ATG2B: variants seen among roughly 807,000 people sequenced by gnomAD.
ATG2B encodes the protein autophagy-related protein 2 homolog B.
A neutral mutation model predicts 241.3 loss-of-function variants in ATG2B; 121 were observed. That is an observed-to-expected ratio of 0.50 (90% CI 0.43 to 0.58). The LOEUF (loss-of-function observed/expected upper bound fraction) is 0.58. Ranked by LOEUF, ATG2B falls within the 20% of genes least tolerant of loss-of-function variation. The pLI is 0.00. For synonymous variants in ATG2B, 858 were observed against 876.6 expected (o/e 0.98, Z 0.37); for missense variants, 2,306 against 2,491.6 (o/e 0.93, Z 1.59).
rs755951377 is a variant in ATG2B, at chr14:96,333,770, C to T, written c.1125G>A (p.Leu375=). 2.3e-5 allele frequency: 37 copies of T among 1,613,796 alleles called. No homozygotes were observed. In the East Asian group the frequency reaches 7.8e-4, roughly 34 times the overall value. The change falls in exon 8 of 42, where the codon TTG becomes TTA. Residue 375 remains leucine, a synonymous_variant. Coordinates refer to ENST00000359933, the MANE Select transcript of ATG2B (RefSeq NM_018036.7). ...CACCCACAGAGAGGGAATCTTTTCT[C>T]AAATAATACCGGTTTAATTCCATCT... ...RIQMELNRYY[L]RKDSLSVGVS...
chr14:96,321,086 C>T (rs967871293), intron 18 of ATG2B, among the ~76,000 whole-genome samples: 1 of 152,060 alleles, frequency 6.6e-6, no homozygotes, highest in African/African-American at 2.4e-5. Context: ...ATCTCATTTT[C>T]AAGACCACTG....
At chr14:96,322,019 T>G in intron 18 of ATG2B, 93 bp downstream of exon 18, 1 of 914,832 alleles carries the variant, frequency 1.1e-6, no homozygotes, top group East Asian at 2.8e-5. Flanking sequence ...GCATATAATA[T>G]TCAGGCAAGG....
intron 21 of ATG2B, among the ~76,000 whole-genome samples, chr14:96,315,819 G>C (rs1595307493): frequency 6.6e-6 from 1 of 152,244 alleles, no homozygotes; most frequent in Middle Eastern, 3.4e-3. Flanking sequence ...AAATTAAATA[G>C]AAAACTATCA....
intron 18 of ATG2B, 100 bp downstream of exon 18, chr14:96,322,012 T>G (rs1349497643): frequency 1.2e-6 from 1 of 836,210 alleles, no homozygotes; most frequent in Non-Finnish European, 1.8e-6. Context: ...AGAGATGGCA[T>G]ATAATATTCA....
chr14:96,353,581 G>A (rs1261600313), intron 1 of ATG2B, among the ~76,000 whole-genome samples: 3 of 151,944 alleles, frequency 2.0e-5, no homozygotes, highest in East Asian at 1.9e-4. Context: ...AGCCGAGATT[G>A]TGCCACTGCA....
intron 25 of ATG2B, 64 bp from the exon 26 acceptor site, chr14:96,312,223 C>T: frequency 9.2e-7 from 1 of 1,089,416 alleles, no homozygotes; most frequent in Non-Finnish European, 1.4e-6. Flanking sequence ...ACCCCATAAT[C>T]ACTATATGCT....
chr14:96,353,554 A>C (rs1337559231), intron 1 of ATG2B, among the ~76,000 whole-genome samples: 2 of 152,056 alleles, frequency 1.3e-5, no homozygotes, highest in Admixed American at 1.3e-4. Context: ...GGAACCTGGG[A>C]GGCTGAGGTT....
At chr14:96,335,516 A>G (rs1338323631) in intron 6 of ATG2B, among the ~76,000 whole-genome samples, 5 of 152,120 alleles carry the variant, frequency 3.3e-5, no homozygotes, top group Admixed American at 3.3e-4. Context: ...ATTCTTATTA[A>G]TGTTCCTGTT....
intron 6 of ATG2B, 59 bp downstream of exon 6, chr14:96,341,463 A>T: frequency 2.9e-6 from 4 of 1,367,498 alleles, no homozygotes; most frequent in Non-Finnish European, 4.0e-6. Context: ...ACTGCATAGA[A>T]TAAAGAATAC....
chr14:96,355,394 G>A (rs1164614136), intron 1 of ATG2B, among the ~76,000 whole-genome samples: 4 of 152,084 alleles, frequency 2.6e-5, no homozygotes, highest in Non-Finnish European at 4.4e-5. Flanking sequence ...AATCCTTTCC[G>A]CATTGCTTGT....
At position 96,284,688 on chromosome 14, in the gene ATG2B, C is replaced by T. The variant is rs1886289409; in HGVS notation, c.*1067G>A. On this transcript the variant is annotated 3_prime_UTR_variant, in exon 42 of 42. Transcript: ENST00000359933. ...AATTATCTTGTGGTAAATCACAGTA[C>T]TGCATCTATGAATATGCTCTAAGAA... 6.6e-6 allele frequency: 1 copy of T among 152,172 alleles called. No individual in the cohort carries two copies. The highest frequency in any genetic ancestry group is 2.1e-4 in the South Asian group (1 of 4,824). The allele number at this position is 152,172 out of a possible 1,614,324, so 9.4% of individuals were successfully genotyped here.
chr14:96,363,126 C>G lies in ATG2B; in HGVS notation c.-150G>C, dbSNP rs865963364. On this transcript the variant is annotated 5_prime_UTR_variant, in exon 1 of 42. Coordinates refer to ENST00000359933, the MANE Select transcript of ATG2B (RefSeq NM_018036.7). ...GTGCCGGGAGTCCCTCAGGGAGACC[C>G]CATCGCCGGCGCCGCACCGCTCGCG... The G allele has an allele frequency of 8.6e-6, 7 of 818,080 alleles. No homozygotes were observed. Among genetic ancestry groups the G allele is most frequent in the Middle Eastern group, 7.3e-4 (2 of 2,740 alleles). The allele number at this position is 818,080 out of a possible 1,614,324, so 50.7% of individuals were successfully genotyped here.
chr14:96,296,777 C>T (rs1203090260), intron 34 of ATG2B, among the ~76,000 whole-genome samples: 1 of 145,726 alleles, frequency 6.9e-6, no homozygotes, highest in African/African-American at 2.5e-5. Flanking sequence ...AAAAAAAAAA[C>T]CCAACAACAA....
In ATG2B at chr14:96,309,333, C is replaced by T. The variant is rs552051878; in HGVS notation, c.4303+120G>A. 44 of 1,236,322 alleles carry T rather than the reference C, an allele frequency of 3.6e-5. No individual in the cohort carries two copies. The Admixed American group carries it at 7.7e-4, about 22-fold the overall frequency. 76.6% of individuals were successfully genotyped at this position (1,236,322 alleles called of 1,614,324 possible). On this transcript the variant is annotated intron_variant, in intron 29 of 41. Coordinates refer to ENST00000359933, the MANE Select transcript of ATG2B (RefSeq NM_018036.7). ...GAGTAGACACAAGCTGAATGATTAA[C>T]AGATATCCATAAAAACTCATATGCG...
rs1887486990 is a variant in ATG2B at position 96,322,536 on chromosome 14, T to C, written c.2736+4A>G. ...ATTCCTTTGTAGCTTGCTCACACTT[T>C]TACCTGTTCATTTTCAAACATTACT... On this transcript the variant is annotated splice_donor_region_variant and intron_variant, in intron 17 of 41. Transcript: ENST00000359933. 1 of 1,609,052 alleles carries C rather than the reference T, an allele frequency of 6.2e-7. No homozygotes were observed. Among genetic ancestry groups the C allele is most frequent in the African/African-American group, 1.3e-5 (1 of 74,732 alleles).
chr14:96,285,709 C>T lies in ATG2B; in HGVS notation c.*46G>A. ...CTGAAGCTGCTGTCAGGACTCTGAG[C>T]TCCTGGTTCCACTCTCCTTATCTTC... is the stretch of plus-strand genomic sequence containing the variant. On this transcript the variant is annotated 3_prime_UTR_variant, in exon 42 of 42. Transcript: ENST00000359933. This position sits in a 1 kb window ranked among gnomAD's most constrained non-coding sequence, Gnocchi z 4.2. The T allele has an allele frequency of 1.3e-6, 2 of 1,566,890 alleles. No homozygotes were observed. The highest frequency in any genetic ancestry group is 1.1e-5 in the South Asian group (1 of 89,450).
chr14:96,297,748 T>C (rs1047385887), intron 34 of ATG2B, among the ~76,000 whole-genome samples: 1 of 152,082 alleles, frequency 6.6e-6, no homozygotes, highest in Admixed American at 6.5e-5. Context: ...TTTTGGTATT[T>C]ATGCTAAACT....
intron 36 of ATG2B, among the ~76,000 whole-genome samples, chr14:96,293,731 T>C (rs557072024): frequency 6.6e-6 from 1 of 152,248 alleles, no homozygotes; most frequent in Admixed American, 6.5e-5. Flanking sequence ...CAAATGAAAA[T>C]CTATAAGCTA....
Position 96,333,879 on chromosome 14 carries a change from A to T in ATG2B, c.1022-6T>A, listed in dbSNP as rs968882358. On this transcript the variant is annotated splice_region_variant and splice_polypyrimidine_tract_variant and intron_variant, in intron 7 of 41. Transcript: ENST00000359933. ...CCCTATTTTGCTAGAATTTTCTATA[A>T]GCATACAAAAGGAAACCAAAACAGT... The T allele has an allele frequency of 6.2e-6, 10 of 1,611,260 alleles. No individual in the cohort carries two copies. Among genetic ancestry groups the T allele is most frequent in the Admixed American group, 1.7e-5 (1 of 59,832 alleles).
Sources: gnomAD v4.1 joint callset for allele counts (sites outside exome capture counted in the v4.1 genomes callset) on GRCh38, gnomAD v4.1.1 for gene constraint, Gnocchi (gnomAD v3.1) non-coding constraint, MANE v1.5 for transcripts, NCBI Gene and HGNC (gene_info 2026-07-23, HGNC 2026-07-21) for gene names.